The following GPHN variants were observed in gnomAD, a reference collection of about 807,000 sequenced individuals.
GPHN encodes gephyrin.
GPHN carries 17 observed loss-of-function variants against 95.5 expected under a neutral mutation model. The observed-to-expected ratio is 0.18, with a 90% CI of 0.12 to 0.27. The LOEUF (loss-of-function observed/expected upper bound fraction) is 0.27. Among genes scored for constraint, GPHN ranks in the 10% least tolerant of loss-of-function variants. The pLI is 1.00. For missense variants in GPHN, 660 were observed against 978.1 expected, an observed-to-expected ratio of 0.67 and a Z score of 4.34; for synonymous variants, 320 against 322.5, an observed-to-expected ratio of 0.99 and a Z score of 0.08.
chr14:67,377,330 T>C, the GPHN span, among the ~76,000 whole-genome samples: 1 of 152,160 alleles, frequency 6.6e-6, no homozygotes, highest in Non-Finnish European at 1.5e-5. Context: ...CCACTGCATA[T>C]TCATGGTCTC....
chr14:67,593,552 T>C, the GPHN span: 8 of 551,162 alleles, frequency 1.5e-5, no homozygotes, highest in Admixed American at 1.0e-4. Flanking sequence ...AATTTTGAAG[T>C]TGGTCTTGAA....
chr14:67,675,995 G>T, the GPHN span, among the ~76,000 whole-genome samples: 1 of 152,176 alleles, frequency 6.6e-6, no homozygotes, highest in Admixed American at 6.5e-5. Context: ...TACTCGGGAG[G>T]CTGAGGCAGG....
intron 2 of GPHN, among the ~76,000 whole-genome samples, chr14:66,692,085 T>C (rs2067816691): frequency 6.6e-6 from 1 of 152,178 alleles, no homozygotes; most frequent in Non-Finnish European, 1.5e-5. Flanking sequence ...TTCCTTTGAT[T>C]TTCTGTGGGT....
chr14:66,885,667 CT>C (rs1246683349), intron 5 of GPHN, among the ~76,000 whole-genome samples: 3 of 152,036 alleles, frequency 2.0e-5, no homozygotes, highest in Non-Finnish European at 4.4e-5. Context: ...TTCTTCTTCT[CT>C]TTTGGGACCC....
intron 1 of GPHN, among the ~76,000 whole-genome samples, chr14:66,628,937 C>A (rs1230408087): frequency 6.7e-6 from 1 of 150,044 alleles, no homozygotes; most frequent in African/African-American, 2.5e-5. Flanking sequence ...TGTTGGTGTA[C>A]CCCTATAGTC....
At chr14:67,552,639 T>C in the GPHN span, among the ~76,000 whole-genome samples, 6 of 146,260 alleles carry the variant, frequency 4.1e-5, no homozygotes, top group Admixed American at 2.0e-4. Flanking sequence ...TGGTGGCGGG[T>C]GCCTGTAGTC....
At chr14:67,695,524 G>A in the GPHN span, 3 of 1,135,338 alleles carry the variant, frequency 2.6e-6, no homozygotes, top group South Asian at 1.6e-5. Flanking sequence ...CGCCATCTTG[G>A]AGCCCCCCCA....
At chr14:67,642,891 C>T in the GPHN span, among the ~76,000 whole-genome samples, 1 of 144,616 alleles carries the variant, frequency 6.9e-6, no homozygotes, top group Non-Finnish European at 1.5e-5. Context: ...CAACCTCTGC[C>T]TCCTAGGCTC....
Position 67,181,145 on chromosome 14 carries a change from A to G in GPHN, c.*208A>G, listed in dbSNP as rs989266417. On this transcript the variant is annotated 3_prime_UTR_variant, in exon 23 of 23. Transcript: ENST00000478722. ...CTTAACAGAAAATTCTGTTCTGATT[A>G]TATCAAGGCAAATTTTTCCTTTCTT... is the stretch of plus-strand genomic sequence containing the variant. 28 of 612,044 alleles carry G rather than the reference A, an allele frequency of 4.6e-5. No individual in the cohort carries two copies. Among genetic ancestry groups the G allele is most frequent in the Middle Eastern group, 8.8e-4 (2 of 2,266 alleles). 37.9% of individuals were successfully genotyped at this position (612,044 alleles called of 1,614,324 possible).
At chr14:66,526,515 T>C (rs1211115796) in intron 1 of GPHN, among the ~76,000 whole-genome samples, 1 of 152,216 alleles carries the variant, frequency 6.6e-6, no homozygotes, top group East Asian at 1.9e-4. Context: ...TTCAATACTA[T>C]GTTGAATAGG....
intron 12 of GPHN, among the ~76,000 whole-genome samples, chr14:67,091,490 A>G (rs1418183090): frequency 1.3e-5 from 2 of 151,988 alleles, no homozygotes; most frequent in Non-Finnish European, 2.9e-5. Flanking sequence ...CAGGATTACT[A>G]TAAAATGACA....
At chr14:67,027,527 C>T (rs908748968) in intron 10 of GPHN, among the ~76,000 whole-genome samples, 1 of 152,072 alleles carries the variant, frequency 6.6e-6, no homozygotes, top group African/African-American at 2.4e-5. Flanking sequence ...GACAGGGTTT[C>T]ACTATGTTGC....
chr14:67,111,647 G>A (rs1057009596), intron 14 of GPHN, among the ~76,000 whole-genome samples: 1 of 151,882 alleles, frequency 6.6e-6, no homozygotes, highest in Admixed American at 6.6e-5. Context: ...ATAAAAATTG[G>A]AGAAAAAAAT....
At chr14:67,505,710 CT>C in the GPHN span, among the ~76,000 whole-genome samples, 634 of 141,234 alleles carry the variant, frequency 4.5e-3, 3 homozygotes, top group Middle Eastern at 0.014. Context: ...ATAATTTGCT[CT>C]TTTTTTTTTT....
At chr14:66,534,854 T>C (rs2139991993) in intron 1 of GPHN, among the ~76,000 whole-genome samples, 1 of 152,262 alleles carries the variant, frequency 6.6e-6, no homozygotes, top group East Asian at 1.9e-4. Flanking sequence ...GTCTTATGGA[T>C]TTATAGGAAT....
chr14:67,077,786 C>T (rs143059820), intron 11 of GPHN, among the ~76,000 whole-genome samples: 58 of 148,614 alleles, frequency 3.9e-4, no homozygotes, highest in East Asian at 3.9e-3. Flanking sequence ...AAAAAGACTA[C>T]CCTTTTTGAT....
chr14:67,679,716 T>C, the GPHN span, among the ~76,000 whole-genome samples: 2 of 152,208 alleles, frequency 1.3e-5, no homozygotes, highest in Non-Finnish European at 2.9e-5. Context: ...TAATTCCAAG[T>C]TTTATAATTT....
rs113886985 is a variant in GPHN, at chr14:66,553,281, G to A, written c.64+44690G>A. On this transcript the variant is annotated intron_variant, in intron 1 of 22. Transcript: ENST00000478722. ...GCTAGGATTATAGGCATGAGCTACC[G>A]CACCTGGCCCTAAACTTCTTAAAAG... Among the ~76,000 whole-genome samples the A allele has an allele frequency of 3.6e-3, 554 of 152,088 alleles. 11 individuals are homozygous for A. Among genetic ancestry groups the A allele is most frequent in the African/African-American group, 0.013 (526 of 41,490 alleles).
intron 10 of GPHN, among the ~76,000 whole-genome samples, chr14:67,036,240 C>T (rs867962259): frequency 3.3e-5 from 5 of 150,386 alleles, no homozygotes; most frequent in African/African-American, 9.7e-5. Context: ...TAATAAAGGT[C>T]ATTTATGAAA....
Sources: gnomAD v4.1 joint callset for allele counts (sites outside exome capture counted in the v4.1 genomes callset) on GRCh38, gnomAD v4.1.1 for gene constraint, MANE v1.5 for transcripts, NCBI Gene and HGNC (gene_info 2026-07-23, HGNC 2026-07-21) for gene names.